HTR2C: variants seen among roughly 807,000 people sequenced by gnomAD.
HTR2C encodes the protein 5-hydroxytryptamine (serotonin) receptor 2C, G protein-coupled.
A neutral mutation model predicts 21.0 loss-of-function variants in HTR2C; 5 were observed. That is an observed-to-expected ratio of 0.24 (90% CI 0.12 to 0.50). The LOEUF (loss-of-function observed/expected upper bound fraction) is 0.50, where lower values mean the gene tolerates loss of function less well. Among genes scored for constraint, HTR2C ranks in the 20% least tolerant of loss-of-function variants. The probability of loss-of-function intolerance (pLI) is 0.98; values close to 1 mark genes in which losing one functional copy is unlikely to be tolerated. For missense variants in HTR2C, 271 were observed against 371.2 expected, an observed-to-expected ratio of 0.73 and a Z score of 2.22; for synonymous variants, 150 against 145.3, an observed-to-expected ratio of 1.03 and a Z score of -0.23.
Position 114,800,988 on chromosome X carries a change from G to A in HTR2C, c.350-47015G>A, listed in dbSNP as rs371063492. ...TCTATGAAGCAGTAGGGAATATAAG[G>A]CAGCAGTGAAAGAACTTAGAGAGCC... On this transcript the variant is annotated intron_variant, in intron 4 of 5. Transcript: ENST00000276198. 4.5e-5 allele frequency among the ~76,000 whole-genome samples: 5 copies of A among 111,320 alleles called. No homozygotes were observed. The East Asian group carries it at 1.1e-3, about 25-fold the overall frequency.
intron 5 of HTR2C, among the ~76,000 whole-genome samples, chrX:114,854,309 T>C (rs1336534144): frequency 9.0e-6 from 1 of 111,637 alleles, no homozygotes. Context: ...AAAATAACAA[T>C]AGTAAATCCA....
rs187695586 is a variant in HTR2C, at chrX:114,778,322, G to A, written c.349+46715G>A. On this transcript the variant is annotated intron_variant, in intron 4 of 5. Coordinates refer to ENST00000276198, the MANE Select transcript of HTR2C (RefSeq NM_000868.4). ...GCAGGGAAATAGCATGGTATTGAGGGTTAGAGGTTAAGCTCATAAAGTATC... is the reference window on the plus strand; with the variant it reads ...GCAGGGAAATAGCATGGTATTGAGGATTAGAGGTTAAGCTCATAAAGTATC... Among the ~76,000 whole-genome samples the A allele has an allele frequency of 5.4e-5, 6 of 111,578 alleles. No individual in the cohort carries two copies. In the East Asian group the frequency reaches 1.4e-3, roughly 26 times the overall value.
chrX:114,838,432 T>A (rs1050341763), intron 4 of HTR2C, among the ~76,000 whole-genome samples: 7 of 112,337 alleles, frequency 6.2e-5, no homozygotes, highest in Middle Eastern at 9.2e-3. Context: ...TACTGAACTT[T>A]TATTCTTTTC....
chrX:114,818,724 A>T (rs1556455314), intron 4 of HTR2C, among the ~76,000 whole-genome samples: 1 of 111,514 alleles, frequency 9.0e-6, no homozygotes, highest in African/African-American at 3.3e-5. Context: ...ATAAAACCAC[A>T]TCCATTATTT....
At chrX:114,894,090 G>T (rs986136882) in intron 5 of HTR2C, among the ~76,000 whole-genome samples, 4 of 111,417 alleles carry the variant, frequency 3.6e-5, no homozygotes, top group Admixed American at 1.9e-4. Flanking sequence ...ACTGCAAAAT[G>T]GTACTTTGTC....
intron 5 of HTR2C, among the ~76,000 whole-genome samples, chrX:114,891,830 G>A (rs1216110566): frequency 2.7e-5 from 3 of 110,965 alleles, no homozygotes; most frequent in Non-Finnish European, 5.7e-5. Flanking sequence ...AACTGGGGAA[G>A]TATCTTTGTT....
chrX:114,685,243 T>G (rs1931873112), intron 2 of HTR2C, among the ~76,000 whole-genome samples: 2 of 112,000 alleles, frequency 1.8e-5, no homozygotes. Context: ...TATTTAGACT[T>G]TTATTAATAG....
intron 2 of HTR2C, among the ~76,000 whole-genome samples, chrX:114,644,352 TAAATAAATAA>T (rs1382671460): frequency 1.7e-4 from 3 of 17,437 alleles, no homozygotes; most frequent in African/African-American, 3.6e-4. Flanking sequence ...CTAAAATAAA[TAAATAAATAA>T]ATATATATAT....
At chrX:114,825,630 G>A (rs1202967185) in intron 4 of HTR2C, among the ~76,000 whole-genome samples, 1 of 111,259 alleles carries the variant, frequency 9.0e-6, no homozygotes, top group East Asian at 2.8e-4. Context: ...ATTAGGTCAA[G>A]TTTGTTGGTA....
intron 4 of HTR2C, among the ~76,000 whole-genome samples, chrX:114,753,175 C>A (rs1426859457): frequency 9.2e-6 from 1 of 109,160 alleles, no homozygotes. Flanking sequence ...GGATCACCAA[C>A]AGTTGTAGAC....
intron 4 of HTR2C, among the ~76,000 whole-genome samples, chrX:114,843,468 A>G (rs782388642): frequency 9.0e-6 from 1 of 111,601 alleles, no homozygotes; most frequent in East Asian, 2.8e-4. Flanking sequence ...AAAAATGAAC[A>G]ATGCCTAAGG....
chrX:114,589,150 A>G (rs1308095736), intron 1 of HTR2C, among the ~76,000 whole-genome samples: 3 of 112,282 alleles, frequency 2.7e-5, no homozygotes, highest in African/African-American at 9.7e-5. Context: ...AACAGAACAA[A>G]TTTGCATGTA....
At chrX:114,629,150 AC>A (rs1929507922) in intron 2 of HTR2C, among the ~76,000 whole-genome samples, 2 of 111,729 alleles carry the variant, frequency 1.8e-5, no homozygotes, top group Admixed American at 1.9e-4. Context: ...CATTGGAAAA[AC>A]AGAAACGGGT....
intron 4 of HTR2C, among the ~76,000 whole-genome samples, chrX:114,818,730 T>A (rs1324717439): frequency 1.8e-5 from 2 of 111,657 alleles, no homozygotes; most frequent in Non-Finnish European, 3.8e-5. Context: ...CCACATCCAT[T>A]ATTTTAAAGA....
chrX:114,789,056 A>G (rs1435247235), intron 4 of HTR2C, among the ~76,000 whole-genome samples: 1 of 112,389 alleles, frequency 8.9e-6, no homozygotes, highest in Non-Finnish European at 1.9e-5. Flanking sequence ...GTCTTTTCAA[A>G]GTAAACTGAA....
At chrX:114,650,888 G>C (rs782429035) in intron 2 of HTR2C, among the ~76,000 whole-genome samples, 1 of 111,560 alleles carries the variant, frequency 9.0e-6, no homozygotes, top group East Asian at 2.8e-4. Context: ...AGATTTCAAA[G>C]ACACAGTAAG....
At chrX:114,598,985 A>T (rs782508911) in intron 1 of HTR2C, among the ~76,000 whole-genome samples, 135 of 111,523 alleles carry the variant, frequency 1.2e-3, no homozygotes, top group African/African-American at 3.9e-3. Flanking sequence ...CCTAACTCTG[A>T]AATCAGGTTC....
At chrX:114,826,125 C>T (rs1232688256) in intron 4 of HTR2C, among the ~76,000 whole-genome samples, 1 of 107,048 alleles carries the variant, frequency 9.3e-6, no homozygotes, top group East Asian at 2.9e-4. Flanking sequence ...GTTGCCCAGT[C>T]TGGAGGGCCA....
At chrX:114,776,156 A>G (rs1602771484) in intron 4 of HTR2C, 2 of 538,186 alleles carry the variant, frequency 3.7e-6, no homozygotes, top group East Asian at 6.6e-5. Context: ...GAGGATTGAC[A>G]CATCAAAAGT....
Sources: allele counts gnomAD v4.1 joint callset (sites outside exome capture counted in the v4.1 genomes callset), GRCh38; gene constraint gnomAD v4.1.1; transcripts MANE v1.5; gene names NCBI Gene and HGNC (gene_info 2026-07-23, HGNC 2026-07-21).